The following COL12A1 variants were observed in gnomAD, a reference collection of about 807,000 sequenced individuals.
COL12A1 encodes collagen type XII alpha 1 chain.
Under a neutral mutation model 349.7 loss-of-function variants are expected in COL12A1, and 114 were observed. The ratio of observed to expected loss-of-function variants is 0.33; its 90% CI spans 0.28 to 0.38. The LOEUF (loss-of-function observed/expected upper bound fraction) is 0.38. Ranked by LOEUF, COL12A1 falls within the 10% of genes least tolerant of loss-of-function variation. The pLI, the probability that COL12A1 is intolerant of heterozygous loss-of-function variation, is 1.00. For missense variants in COL12A1, 3,284 were observed against 3,756.9 expected (o/e 0.87, Z 3.29); for synonymous variants, 1,369 against 1,329.0 (o/e 1.03, Z -0.66).
intron 49 of COL12A1, among the ~76,000 whole-genome samples, chr6:75,114,608 T>G (rs1028273359): frequency 1.3e-5 from 2 of 152,068 alleles, no homozygotes; most frequent in African/African-American, 4.8e-5. Flanking sequence ...TATTCCTCCA[T>G]GAATTTTGAT....
At chr6:75,144,783 C>T (rs1340228909) in intron 25 of COL12A1, among the ~76,000 whole-genome samples, 1 of 152,208 alleles carries the variant, frequency 6.6e-6, no homozygotes, top group East Asian at 1.9e-4. Flanking sequence ...AGCCCAGTGA[C>T]TGGCATATAA....
At chr6:75,107,661 CTTCTTTTTAGAAATTA>C in intron 52 of COL12A1, among the ~76,000 whole-genome samples, 1 of 152,306 alleles carries the variant, frequency 6.6e-6, no homozygotes, top group East Asian at 1.9e-4. Context: ...AATTGATGCT[CTTCTTTTTAGAAATTA>C]TTACCAAGTG....
intron 14 of COL12A1, among the ~76,000 whole-genome samples, chr6:75,163,349 C>T (rs1343183721): frequency 6.6e-6 from 1 of 152,172 alleles, no homozygotes; most frequent in Non-Finnish European, 1.5e-5. Flanking sequence ...AGGATGAGTT[C>T]ATGTCCTTTG....
intron 8 of COL12A1, 127 bp from the exon 9 acceptor site, chr6:75,184,271 A>G (rs968242959): frequency 2.2e-5 from 23 of 1,025,912 alleles, no homozygotes; most frequent in Non-Finnish European, 3.2e-5. Context: ...AGAGTTGCCC[A>G]ATACCCGCCT....
chr6:75,092,835 G>T (rs1027658280), intron 60 of COL12A1, among the ~76,000 whole-genome samples: 1 of 151,008 alleles, frequency 6.6e-6, no homozygotes, highest in African/African-American at 2.5e-5. Flanking sequence ...GGGCTACATG[G>T]TCCATATGAT....
In COL12A1 at chr6:75,142,035, T is replaced by A. The variant is rs1766915433; in HGVS notation, c.4954A>T (p.Thr1652Ser). 6.2e-7 allele frequency: 1 copy of A among 1,613,940 alleles called. No individual in the cohort carries two copies. The highest frequency in any genetic ancestry group is 8.5e-7 in the Non-Finnish European group (1 of 1,179,976). Reference sequence around the variant, plus strand: ...GTGGAGCAGGAGCACAACTCACGGGTAGTTTCTTGAGCAGTCACTGGAGGA... The same window carrying A: ...GTGGAGCAGGAGCACAACTCACGGGAAGTTTCTTGAGCAGTCACTGGAGGA... ...ESPPVTAQET[T>S]RPVPAPTNLK... is the part of the protein sequence containing the mutation. Residue 1652 changes from threonine to serine, a missense_variant, in exon 27 of 66, where the codon ACC becomes TCC. Thr to Ser is a moderately conservative substitution (Grantham distance 58). This residue lies in a region of COL12A1 where 2,601 missense variants were observed against 2,824.8 expected (regional missense o/e 0.92). Coordinates refer to ENST00000322507, the MANE Select transcript of COL12A1 (RefSeq NM_004370.6).
chr6:75,096,394 A>G (rs912931871), intron 59 of COL12A1, among the ~76,000 whole-genome samples: 1 of 152,208 alleles, frequency 6.6e-6, no homozygotes, highest in Non-Finnish European at 1.5e-5. Context: ...CATGGAGGCT[A>G]TCCATCACCT....
At position 75,147,721 on chromosome 6, in the gene COL12A1, C is replaced by A. The variant is rs761741355; in HGVS notation, c.4371G>T (p.Val1457=). 6.2e-6 allele frequency: 10 copies of A among 1,613,018 alleles called. No homozygotes were observed. Among genetic ancestry groups the A allele is most frequent in the Middle Eastern group, 1.6e-4 (1 of 6,074 alleles). The part of the protein sequence containing the change: ...ETEYVVNVYS[V]VEDEYSEPLK... ...GAGGCTCACTATATTCATCTTCTACCACAGAATACACATTGACAACATATT... is the reference window on the plus strand; with the variant it reads ...GAGGCTCACTATATTCATCTTCTACAACAGAATACACATTGACAACATATT... Residue 1457 remains valine (V), a synonymous_variant, in exon 23 of 66, where the codon GTG becomes GTT. Transcript: ENST00000322507.
chr6:75,154,816 C>T (rs970669019), intron 16 of COL12A1, among the ~76,000 whole-genome samples: 1 of 152,122 alleles, frequency 6.6e-6, no homozygotes, highest in Non-Finnish European at 1.5e-5. Flanking sequence ...GATGCAGAGT[C>T]TCTACCCTGC....
At chr6:75,155,918 A>G (rs1767732444) in intron 15 of COL12A1, 64 bp from the exon 16 acceptor site, 4 of 1,484,112 alleles carry the variant, frequency 2.7e-6, no homozygotes, top group Non-Finnish European at 3.6e-6. Flanking sequence ...TTTCTTTTTT[A>G]TTAGCCCCAC....
intron 43 of COL12A1, among the ~76,000 whole-genome samples, chr6:75,122,122 T>A (rs144406410): frequency 5.1e-4 from 78 of 152,308 alleles, no homozygotes; most frequent in African/African-American, 1.8e-3. Flanking sequence ...ATTACAGGCG[T>A]GAGCCACCGC....
intron 52 of COL12A1, 60 bp downstream of exon 52, chr6:75,108,958 G>GA (rs1317708635): frequency 1.3e-6 from 2 of 1,532,126 alleles, no homozygotes; most frequent in Admixed American, 4.3e-5. Context: ...GAGTTGTTTA[G>GA]AAAAATGCCA....
chr6:75,132,220 G>A, intron 34 of COL12A1, 138 bp from the exon 35 acceptor site: 1 of 1,151,212 alleles, frequency 8.7e-7, no homozygotes, highest in Non-Finnish European at 1.2e-6. Context: ...TACACACAAA[G>A]GCAGATTAAA....
intron 5 of COL12A1, among the ~76,000 whole-genome samples, chr6:75,190,878 A>G (rs1370199495): frequency 6.6e-6 from 1 of 151,950 alleles, no homozygotes; most frequent in Admixed American, 6.6e-5. Flanking sequence ...TTTAAAATAA[A>G]TAATAATTGT....
At position 75,087,833 on chromosome 6, in the gene COL12A1, A is replaced by G. The variant is rs2273264; in HGVS notation, c.9011-86T>C. The G allele has an allele frequency of 0.025, 33,882 of 1,353,892 alleles. 1,183 individuals are homozygous for G. The highest frequency in any genetic ancestry group is 0.17 in the East Asian group (7,341 of 42,032). The allele number at this position is 1,353,892 out of a possible 1,614,324, so 83.9% of individuals were successfully genotyped here. A position where few individuals can be genotyped will look rare whatever the true frequency, so the allele number is the denominator to read the frequency against. On this transcript the variant is annotated intron_variant, in intron 64 of 65. Coordinates refer to ENST00000322507, the MANE Select transcript of COL12A1 (RefSeq NM_004370.6). Reference sequence around the variant, plus strand: ...CACCAATACTTTAAGTGGCACCTCCACTGTCTCAAAATTAGACAATTTACT... The same window carrying G: ...CACCAATACTTTAAGTGGCACCTCCGCTGTCTCAAAATTAGACAATTTACT...
intron 11 of COL12A1, among the ~76,000 whole-genome samples, chr6:75,178,193 AT>A (rs1204474688): frequency 6.6e-6 from 1 of 152,240 alleles, no homozygotes; most frequent in East Asian, 1.9e-4. Context: ...GATGTATATA[AT>A]AGTAAACTTT....
chr6:75,161,071 G>GCA (rs150624849), intron 14 of COL12A1, among the ~76,000 whole-genome samples: 26 of 151,256 alleles, frequency 1.7e-4, no homozygotes, highest in Middle Eastern at 3.4e-3. Flanking sequence ...CCCATCCTAG[G>GCA]CACACACACA....
chr6:75,202,576 G>C, intron 2 of COL12A1, 144 bp downstream of exon 2: 2 of 732,104 alleles, frequency 2.7e-6, no homozygotes, highest in African/African-American at 1.8e-5. Flanking sequence ...CAGGAGAAAG[G>C]GGCGTTTCTC....
In COL12A1 at chr6:75,152,481, C is replaced by G; in HGVS notation, c.3567G>C (p.Gly1189=). The part of the protein sequence containing the change: ...DTTVMPILSS[G]MECLTRAEAD... ...CCTCAGCTCTGGTGAGACACTCCAT[C>G]CCTGACATGGCAATCATGAGACAAG... The change falls in exon 18 of 66, where the codon GGG becomes GGC. Residue 1189 remains glycine (G), a splice_region_variant and synonymous_variant. Coordinates refer to ENST00000322507, the MANE Select transcript of COL12A1 (RefSeq NM_004370.6). 1.2e-6 allele frequency: 2 copies of G among 1,613,290 alleles called. No individual in the cohort carries two copies. Among genetic ancestry groups the G allele is most frequent in the Non-Finnish European group, 1.7e-6 (2 of 1,179,554 alleles).
Sources: gnomAD v4.1 joint callset for allele counts (sites outside exome capture counted in the v4.1 genomes callset) on GRCh38, gnomAD v4.1.1 for gene constraint, gnomAD v4.1.1 regional missense constraint, MANE v1.5 for transcripts, NCBI Gene and HGNC (gene_info 2026-07-23, HGNC 2026-07-21) for gene names.